RANBP2: variants seen among roughly 807,000 people sequenced by gnomAD.
RANBP2 encodes the protein RAN binding protein 2.
Under a neutral mutation model 303.6 loss-of-function variants are expected in RANBP2, and 57 were observed. That is an observed-to-expected ratio of 0.19 (90% CI 0.15 to 0.23). The LOEUF (loss-of-function observed/expected upper bound fraction) is 0.23. Among genes scored for constraint, RANBP2 ranks in the 10% least tolerant of loss-of-function variants. The pLI is 1.00. For missense variants in RANBP2, 3,138 were observed against 3,780.8 expected, an observed-to-expected ratio of 0.83 and a Z score of 4.46; for synonymous variants, 1,167 against 1,301.5, an observed-to-expected ratio of 0.90 and a Z score of 2.23.
At chr2:109,652,245 C>T in the RANBP2 span, among the ~76,000 whole-genome samples, 3 of 148,124 alleles carry the variant, frequency 2.0e-5, no homozygotes, top group South Asian at 2.1e-4. Context: ...TTTTTTGAGA[C>T]GGAGTCTCGC....
chr2:109,118,630 C>T, the RANBP2 span, among the ~76,000 whole-genome samples: 2 of 151,970 alleles, frequency 1.3e-5, no homozygotes, highest in East Asian at 2.0e-4. Context: ...TGTGGGCAGA[C>T]CCCTGCAGCT....
the RANBP2 span, among the ~76,000 whole-genome samples, chr2:109,384,732 A>C: frequency 3.9e-5 from 6 of 152,272 alleles, no homozygotes; most frequent in South Asian, 1.2e-3. Flanking sequence ...TGTAAAATGC[A>C]TGTGGAGGGA....
chr2:109,396,487 G>T, the RANBP2 span, among the ~76,000 whole-genome samples: 1 of 152,204 alleles, frequency 6.6e-6, no homozygotes, highest in Non-Finnish European at 1.5e-5. Flanking sequence ...TGATCTGCTC[G>T]GCCTGCACGG....
chr2:109,490,624 T>G, the RANBP2 span: 1 of 1,464,352 alleles, frequency 6.8e-7, no homozygotes. Context: ...AAGAGTGGGC[T>G]CCTGAAGCTT....
intron 25 of RANBP2, 119 bp downstream of exon 25, chr2:108,777,350 T>G (rs990946897): frequency 6.2e-5 from 42 of 673,698 alleles, no homozygotes; most frequent in Admixed American, 8.7e-5. Context: ...CCCCCCAGTT[T>G]GTTTTAGTGT....
chr2:108,812,784 A>G, the RANBP2 span: 4 of 1,611,668 alleles, frequency 2.5e-6, no homozygotes, highest in African/African-American at 4.0e-5. Context: ...ATTTAGATAC[A>G]ATTGTTCTTT....
chr2:109,291,991 G>A, the RANBP2 span, among the ~76,000 whole-genome samples: 3 of 152,204 alleles, frequency 2.0e-5, no homozygotes, highest in Non-Finnish European at 2.9e-5. Flanking sequence ...AGCCTCTCGA[G>A]TAGCTGGGAC....
chr2:109,364,034 G>A, the RANBP2 span, among the ~76,000 whole-genome samples: 4,388 of 152,010 alleles, frequency 0.029, 158 homozygotes, highest in African/African-American at 0.089. Flanking sequence ...AGTTATTATT[G>A]TTTCAAATAT....
chr2:109,161,068 G>T, the RANBP2 span, among the ~76,000 whole-genome samples: 1 of 152,198 alleles, frequency 6.6e-6, no homozygotes, highest in Non-Finnish European at 1.5e-5. Flanking sequence ...GAGGGTGCTT[G>T]TGATCACAAG....
chr2:109,501,887 G>T, the RANBP2 span: 1 of 529,870 alleles, frequency 1.9e-6, no homozygotes, highest in East Asian at 2.9e-5. Context: ...TGTTCTTCAA[G>T]GAAATGCCCA....
the RANBP2 span, among the ~76,000 whole-genome samples, chr2:109,248,844 C>T: frequency 2.7e-5 from 4 of 147,684 alleles, no homozygotes; most frequent in East Asian, 2.0e-4. Flanking sequence ...TTCTCCTTTT[C>T]GTTTTCCTTT....
chr2:109,733,114 G>C, the RANBP2 span: 1,586 of 534,660 alleles, frequency 3.0e-3, 8 homozygotes, highest in Middle Eastern at 0.016. Flanking sequence ...AGAGATCGCT[G>C]TCTCGGGAGA....
chr2:109,133,525 C>T, the RANBP2 span, among the ~76,000 whole-genome samples: 1 of 152,150 alleles, frequency 6.6e-6, no homozygotes, highest in Admixed American at 6.5e-5. Flanking sequence ...TGAACACAGT[C>T]ACCTTTTATG....
At chr2:108,768,510 A>G in intron 20 of RANBP2, 122 bp downstream of exon 20, 1 of 1,558,924 alleles carries the variant, frequency 6.4e-7, no homozygotes, top group South Asian at 1.2e-5. Context: ...CACCCCCAAA[A>G]TATTTGAGCA....
chr2:109,197,408 G>A, the RANBP2 span, among the ~76,000 whole-genome samples: 4 of 152,146 alleles, frequency 2.6e-5, no homozygotes, highest in Admixed American at 6.5e-5. Context: ...GTTTGTCCTC[G>A]GGCTGGTGGC....
chr2:109,403,219 G>A, the RANBP2 span, among the ~76,000 whole-genome samples: 1 of 152,352 alleles, frequency 6.6e-6, no homozygotes, highest in East Asian at 1.9e-4. Context: ...CCTGAGAGCC[G>A]CGCACTGTCC....
chr2:109,224,389 A>G, the RANBP2 span, among the ~76,000 whole-genome samples: 1 of 152,230 alleles, frequency 6.6e-6, no homozygotes, highest in Non-Finnish European at 1.5e-5. Flanking sequence ...TTAGTCCAAG[A>G]TTAAATCTGC....
the RANBP2 span, among the ~76,000 whole-genome samples, chr2:109,227,831 G>A: frequency 8.4e-4 from 128 of 152,314 alleles, 1 homozygote; most frequent in Admixed American, 9.8e-4. Flanking sequence ...GCTCACTCTG[G>A]CAATCTCCCT....
At chr2:108,885,283 T>G in the RANBP2 span, 1 of 152,220 alleles carries the variant, frequency 6.6e-6, no homozygotes, top group African/African-American at 2.4e-5. Flanking sequence ...CACTTTGTTT[T>G]CCTCTCATAT....
Sources: gnomAD v4.1 joint callset for allele counts (sites outside exome capture counted in the v4.1 genomes callset) on GRCh38, gnomAD v4.1.1 for gene constraint, MANE v1.5 for transcripts, NCBI Gene and HGNC (gene_info 2026-07-23, HGNC 2026-07-21) for gene names.